Variants in SIPA1L1 observed in about 807,000 individuals in gnomAD.
SIPA1L1 encodes signal induced proliferation associated 1 like 1.
A neutral mutation model predicts 162.7 loss-of-function variants in SIPA1L1; 26 were observed. The ratio of observed to expected loss-of-function variants is 0.16; its 90% CI spans 0.12 to 0.22. The LOEUF (loss-of-function observed/expected upper bound fraction) is 0.22, where lower values mean the gene tolerates loss of function less well. SIPA1L1 is among the 10% of genes least tolerant of loss of function. The pLI, the probability that SIPA1L1 is intolerant of heterozygous loss-of-function variation, is 1.00. For synonymous variants in SIPA1L1, 829 were observed against 837.4 expected, an observed-to-expected ratio of 0.99 and a Z score of 0.17; for missense variants, 1,874 against 2,241.0, an observed-to-expected ratio of 0.84 and a Z score of 3.31.
intron 14 of SIPA1L1, among the ~76,000 whole-genome samples, chr14:71,700,010 A>G (rs1021070956): frequency 3.9e-5 from 6 of 152,374 alleles, no homozygotes; most frequent in Middle Eastern, 3.4e-3. Flanking sequence ...ATTTAGAACA[A>G]GTTTTATCTT....
At chr14:71,332,622 G>A (rs918300111) in intron 2 of SIPA1L1, among the ~76,000 whole-genome samples, 7 of 152,084 alleles carry the variant, frequency 4.6e-5, no homozygotes, top group Non-Finnish European at 7.4e-5. Context: ...TTTAAATCTT[G>A]GTTTCTTCTA....
At chr14:71,339,266 T>C (rs1232703282) in intron 2 of SIPA1L1, among the ~76,000 whole-genome samples, 3 of 152,154 alleles carry the variant, frequency 2.0e-5, no homozygotes, top group African/African-American at 7.2e-5. Flanking sequence ...CCTTCTTGAC[T>C]GGCAAGATGA....
At chr14:71,325,769 G>A (rs1398058161) in intron 2 of SIPA1L1, among the ~76,000 whole-genome samples, 1 of 152,116 alleles carries the variant, frequency 6.6e-6, no homozygotes, top group Non-Finnish European at 1.5e-5. Flanking sequence ...TCTGGGATGA[G>A]AAATTTCAAC....
intron 5 of SIPA1L1, among the ~76,000 whole-genome samples, chr14:71,615,957 C>T (rs972851904): frequency 6.6e-6 from 1 of 152,344 alleles, no homozygotes; most frequent in South Asian, 2.1e-4. Context: ...GATCACACCA[C>T]TGCACTCCAG....
chr14:71,408,819 G>A (rs961932310), intron 2 of SIPA1L1, among the ~76,000 whole-genome samples: 2 of 152,182 alleles, frequency 1.3e-5, no homozygotes, highest in East Asian at 1.9e-4. Flanking sequence ...GAGTGAGCAG[G>A]AAGAGACTGG....
intron 7 of SIPA1L1, among the ~76,000 whole-genome samples, chr14:71,630,047 A>G (rs1022488385): frequency 4.6e-5 from 7 of 152,334 alleles, no homozygotes; most frequent in South Asian, 4.1e-4. Flanking sequence ...TCCATAGGGG[A>G]AATATTTTTT....
intron 2 of SIPA1L1, among the ~76,000 whole-genome samples, chr14:71,393,937 T>A (rs927785122): frequency 6.6e-6 from 1 of 152,250 alleles, no homozygotes; most frequent in Non-Finnish European, 1.5e-5. Flanking sequence ...TGAATATTGA[T>A]GTCTACTAGA....
intron 17 of SIPA1L1, among the ~76,000 whole-genome samples, chr14:71,711,017 A>G (rs949371733): frequency 5.3e-5 from 8 of 152,106 alleles, no homozygotes; most frequent in African/African-American, 1.9e-4. Flanking sequence ...CTCTATCGCT[A>G]CTTATCATTG....
intron 2 of SIPA1L1, among the ~76,000 whole-genome samples, chr14:71,439,204 A>G (rs1419312009): frequency 6.6e-6 from 1 of 152,196 alleles, no homozygotes; most frequent in Admixed American, 6.5e-5. Context: ...CATTGAACTC[A>G]AAATTAAACC....
chr14:71,393,026 A>G (rs2141379414), intron 2 of SIPA1L1, among the ~76,000 whole-genome samples: 1 of 152,368 alleles, frequency 6.6e-6, no homozygotes, highest in East Asian at 1.9e-4. Context: ...GGAATTTAAC[A>G]TCATGAGATA....
At chr14:71,694,948 C>G (rs1034169234) in intron 13 of SIPA1L1, among the ~76,000 whole-genome samples, 1 of 152,130 alleles carries the variant, frequency 6.6e-6, no homozygotes, top group Admixed American at 6.5e-5. Context: ...GCTGGTTTTC[C>G]TATGTGAGCC....
intron 15 of SIPA1L1, among the ~76,000 whole-genome samples, chr14:71,704,500 G>T (rs1282877718): frequency 1.3e-5 from 2 of 152,174 alleles, no homozygotes; most frequent in Non-Finnish European, 2.9e-5. Flanking sequence ...TTTGGAAATG[G>T]TTGAGAGTCA....
intron 2 of SIPA1L1, among the ~76,000 whole-genome samples, chr14:71,354,242 C>T (rs2037005944): frequency 6.6e-6 from 1 of 151,552 alleles, no homozygotes; most frequent in African/African-American, 2.4e-5. Context: ...TTAAAGTAGG[C>T]CGTGTGTCAT....
intron 2 of SIPA1L1, among the ~76,000 whole-genome samples, chr14:71,375,207 T>A (rs1279775476): frequency 1.3e-5 from 2 of 152,110 alleles, no homozygotes; most frequent in Non-Finnish European, 2.9e-5. Flanking sequence ...TTGGAACTTC[T>A]TTTTACCACC....
chr14:71,476,258 A>T (rs954871442), intron 2 of SIPA1L1, among the ~76,000 whole-genome samples: 3 of 152,202 alleles, frequency 2.0e-5, no homozygotes, highest in Admixed American at 6.5e-5. Context: ...CAAATTTTGG[A>T]TGACTCCGAG....
At chr14:71,702,172 C>T in intron 14 of SIPA1L1, 1 of 513,340 alleles carries the variant, frequency 1.9e-6, no homozygotes, top group Non-Finnish European at 3.5e-6. Context: ...AGCATGCATA[C>T]CTTTTTGAGC....
intron 2 of SIPA1L1, among the ~76,000 whole-genome samples, chr14:71,330,190 A>G (rs2034353352): frequency 6.6e-6 from 1 of 152,200 alleles, no homozygotes; most frequent in African/African-American, 2.4e-5. Context: ...AGTGCAATAC[A>G]GTTTGGGTAA....
intron 2 of SIPA1L1, among the ~76,000 whole-genome samples, chr14:71,341,706 C>T (rs780651215): frequency 7.9e-5 from 12 of 152,090 alleles, no homozygotes; most frequent in Non-Finnish European, 1.5e-5. Flanking sequence ...TTCTTATGTC[C>T]GTGAGTACCC....
chr14:71,593,161 C>T (rs2035606987), intron 5 of SIPA1L1, among the ~76,000 whole-genome samples: 1 of 151,860 alleles, frequency 6.6e-6, no homozygotes, highest in African/African-American at 2.4e-5. Flanking sequence ...AATTACTTAT[C>T]TTCCTTTGAG....
Sources: allele counts gnomAD v4.1 joint callset (sites outside exome capture counted in the v4.1 genomes callset), GRCh38; gene constraint gnomAD v4.1.1; transcripts MANE v1.5; gene names NCBI Gene and HGNC (gene_info 2026-07-23, HGNC 2026-07-21).